The following TANGO6 variants were observed in gnomAD, a reference collection of about 807,000 sequenced individuals.
TANGO6 encodes the protein transport and Golgi organization protein 6 homolog.
Under a neutral mutation model 114.2 loss-of-function variants are expected in TANGO6, and 90 were observed. The observed-to-expected ratio is 0.79, with a 90% CI of 0.66 to 0.94. The LOEUF (loss-of-function observed/expected upper bound fraction) is 0.94, where lower values mean the gene tolerates loss of function less well. TANGO6 is among the 40% of genes least tolerant of loss of function. TANGO6 has a pLI of 0.00. For missense variants in TANGO6, 1,274 were observed against 1,315.3 expected, an observed-to-expected ratio of 0.97 and a Z score of 0.49; for synonymous variants, 477 against 509.8, an observed-to-expected ratio of 0.94 and a Z score of 0.87.
At chr16:68,953,454 T>C (rs935964304) in intron 14 of TANGO6, among the ~76,000 whole-genome samples, 16 of 152,174 alleles carry the variant, frequency 1.1e-4, no homozygotes, top group Non-Finnish European at 1.5e-5. Flanking sequence ...AAAACAGTCA[T>C]GTCTTGCCTT....
At chr16:68,927,432 C>T in intron 12 of TANGO6, 136 bp from the exon 13 acceptor site, 1 of 845,868 alleles carries the variant, frequency 1.2e-6, no homozygotes, top group East Asian at 2.5e-5. Context: ...GTGCTGGACC[C>T]AGGCAATACA....
chr16:68,982,019 G>A (rs960631714), intron 15 of TANGO6, among the ~76,000 whole-genome samples: 2 of 152,176 alleles, frequency 1.3e-5, no homozygotes, highest in African/African-American at 4.8e-5. Context: ...ACTGGCTGGG[G>A]AGGGGATTAT....
chr16:68,965,282 C>G (rs1963634840), intron 14 of TANGO6, among the ~76,000 whole-genome samples: 2 of 152,138 alleles, frequency 1.3e-5, no homozygotes, highest in South Asian at 2.1e-4. Flanking sequence ...GCCTCAGCCT[C>G]CTGAGTAGCT....
Position 68,930,276 on chromosome 16 carries a change from AT to A in TANGO6, c.2683del (p.Tyr895IlefsTer40). The A allele has an allele frequency of 1.3e-6, 2 of 1,554,578 alleles. No individual in the cohort carries two copies. The highest frequency in any genetic ancestry group is 1.2e-5 in the South Asian group (1 of 84,252). ...ACTTGGAACATGAAGACACTTTTGT[AT>A]ATCTATCTGCAATTCAGGGTAAGTC... ...ENLEHEDTFV[Y>X]LSAIQGVALL... On this transcript the variant is annotated frameshift_variant, in exon 14 of 18. Transcript: ENST00000261778. LOFTEE classifies it high-confidence loss of function.
intron 11 of TANGO6, among the ~76,000 whole-genome samples, chr16:68,916,924 G>A (rs1023686510): frequency 1.3e-5 from 2 of 151,924 alleles, no homozygotes; most frequent in African/African-American, 2.4e-5. Flanking sequence ...ACCACCCAAC[G>A]TCCATAGTTT....
At chr16:68,957,233 G>T (rs967962660) in intron 14 of TANGO6, among the ~76,000 whole-genome samples, 7 of 151,926 alleles carry the variant, frequency 4.6e-5, no homozygotes, top group Non-Finnish European at 8.8e-5. Flanking sequence ...AGTGTCATTA[G>T]TTGTATTGAT....
intron 17 of TANGO6, among the ~76,000 whole-genome samples, chr16:69,055,114 A>G (rs1216459921): frequency 1.3e-5 from 2 of 152,124 alleles, no homozygotes; most frequent in African/African-American, 4.8e-5. Context: ...TTCAGGAGAC[A>G]GGCTTCATTC....
chr16:69,039,715 G>C (rs1019695013), intron 16 of TANGO6, among the ~76,000 whole-genome samples: 3 of 152,220 alleles, frequency 2.0e-5, no homozygotes, highest in Admixed American at 6.5e-5. Context: ...GGAAGTCTCT[G>C]AAAGTGACCC....
intron 3 of TANGO6, among the ~76,000 whole-genome samples, chr16:68,866,621 C>G (rs1031651787): frequency 1.0e-4 from 14 of 136,796 alleles, no homozygotes; most frequent in Non-Finnish European, 1.7e-4. Context: ...CAGAGCAAGA[C>G]TCCGTCTCAA....
At chr16:68,914,576 A>C (rs1433360280) in intron 11 of TANGO6, among the ~76,000 whole-genome samples, 1 of 152,218 alleles carries the variant, frequency 6.6e-6, no homozygotes, top group Non-Finnish European at 1.5e-5. Context: ...ATTTTTCACT[A>C]TAAGCTTTCA....
chr16:68,876,169 T>C (rs1189787296), intron 5 of TANGO6, among the ~76,000 whole-genome samples: 1 of 152,166 alleles, frequency 6.6e-6, no homozygotes, highest in African/African-American at 2.4e-5. Flanking sequence ...TGCTAATTTT[T>C]TTTTTTTTTG....
chr16:68,914,988 CACACACACACACAT>C (rs1336045235), intron 11 of TANGO6, among the ~76,000 whole-genome samples: 1 of 150,082 alleles, frequency 6.7e-6, no homozygotes, highest in Non-Finnish European at 1.5e-5. Flanking sequence ...CACACACACA[CACACACACACACAT>C]ATAGATAGTG....
chr16:68,891,292 C>CAA (rs534661540), intron 7 of TANGO6, among the ~76,000 whole-genome samples: 11,091 of 84,624 alleles, frequency 0.13, 581 homozygotes, highest in African/African-American at 0.19. Context: ...AACTCCATCT[C>CAA]AAAAAAAAAA....
chr16:68,915,457 G>A (rs374149039), intron 11 of TANGO6, among the ~76,000 whole-genome samples: 1 of 152,142 alleles, frequency 6.6e-6, no homozygotes, highest in African/African-American at 2.4e-5. Context: ...TCTAGAGACA[G>A]GGTCTCACTT....
intron 14 of TANGO6, among the ~76,000 whole-genome samples, chr16:68,936,815 A>AT (rs1433740061): frequency 6.6e-6 from 1 of 152,010 alleles, no homozygotes; most frequent in African/African-American, 2.4e-5. Flanking sequence ...AAAAATAAAA[A>AT]AAAAAAACCA....
At position 69,029,170 on chromosome 16, in the gene TANGO6, A is replaced by C. The variant is rs536426838; in HGVS notation, c.2994+6191A>C. Among the ~76,000 whole-genome samples, 8 of 152,366 alleles carry C rather than the reference A, an allele frequency of 5.3e-5. No individual in the cohort carries two copies. The East Asian group carries it at 1.5e-3, about 29-fold the overall frequency. On this transcript the variant is annotated intron_variant, in intron 16 of 17. Transcript: ENST00000261778. ...TTGATTAGAAAGATTGAGCTAAAGC[A>C]GATTTTGTAACATTCAAGAAGCATC...
chr16:68,843,655 A>C lies in TANGO6; in HGVS notation c.38A>C (p.Glu13Ala). The change falls in exon 1 of 18, where the codon GAG becomes GCG. Residue 13 changes from glutamate (E) to alanine (A), a missense_variant. Physicochemically the swap from Glu to Ala is moderately radical, Grantham distance 107. Transcript: ENST00000261778. The part of the protein sequence containing the change: ...ARQAVGSGAQ[E>A]TCGLDRILEA... ...CAGGCCGTGGGCAGCGGGGCTCAGG[A>C]GACATGCGGTCTGGATCGGATTTTG... 1 of 1,613,700 alleles carries C rather than the reference A, an allele frequency of 6.2e-7. No homozygotes were observed.
At chr16:69,083,045 A>G (rs1960488832) in intron 17 of TANGO6, among the ~76,000 whole-genome samples, 1 of 151,140 alleles carries the variant, frequency 6.6e-6, no homozygotes, top group African/African-American at 2.4e-5. Flanking sequence ...TACGAGGGCT[A>G]GCGCCACCCC....
intron 17 of TANGO6, among the ~76,000 whole-genome samples, chr16:69,056,801 C>A (rs998101959): frequency 6.6e-6 from 1 of 151,888 alleles, no homozygotes; most frequent in Non-Finnish European, 1.5e-5. Flanking sequence ...GTTACAGTAA[C>A]CCCGAGTATC....
Sources: gnomAD v4.1 joint callset for allele counts (sites outside exome capture counted in the v4.1 genomes callset) on GRCh38, gnomAD v4.1.1 for gene constraint, MANE v1.5 for transcripts, NCBI Gene and HGNC (gene_info 2026-07-23, HGNC 2026-07-21) for gene names.